The following SVOPL variants were observed in gnomAD, a reference collection of about 807,000 sequenced individuals.
SVOPL encodes SVOP like.
A neutral mutation model predicts 61.0 loss-of-function variants in SVOPL; 60 were observed. That is an observed-to-expected ratio of 0.98 (90% CI 0.80 to 1.22). The LOEUF (loss-of-function observed/expected upper bound fraction) is 1.22, where lower values mean the gene tolerates loss of function less well. Among genes scored for constraint, SVOPL ranks in the 50% most tolerant of loss-of-function variants. SVOPL has a pLI of 0.00. For synonymous variants in SVOPL, 279 were observed against 250.0 expected (o/e 1.12, Z -1.09); for missense variants, 662 against 643.9 (o/e 1.03, Z -0.30).
chr7:138,676,656 A>G (rs894268682), intron 3 of SVOPL, among the ~76,000 whole-genome samples: 4 of 152,350 alleles, frequency 2.6e-5, no homozygotes, highest in Middle Eastern at 3.4e-3. Flanking sequence ...ATCTGAAAAT[A>G]TGTAATTACA....
chr7:138,691,733 G>T (rs553360271), intron 1 of SVOPL, among the ~76,000 whole-genome samples: 1 of 151,982 alleles, frequency 6.6e-6, no homozygotes, highest in African/African-American at 2.4e-5. Flanking sequence ...TAGAGACGGG[G>T]TTTCGCCACG....
intron 8 of SVOPL, among the ~76,000 whole-genome samples, chr7:138,648,336 C>A (rs549084826): frequency 6.6e-6 from 1 of 151,838 alleles, no homozygotes; most frequent in South Asian, 2.1e-4. Context: ...GATGGCCTGG[C>A]GCGGTGGCTC....
At chr7:138,627,949 T>C (rs983328432) in intron 11 of SVOPL, among the ~76,000 whole-genome samples, 6 of 152,166 alleles carry the variant, frequency 3.9e-5, no homozygotes, top group African/African-American at 2.4e-5. Context: ...CACCTTACAA[T>C]TGATAGAATA....
chr7:138,631,289 G>A (rs528306066), intron 9 of SVOPL, among the ~76,000 whole-genome samples: 1 of 152,244 alleles, frequency 6.6e-6, no homozygotes, highest in South Asian at 2.1e-4. Context: ...AGCACATCAT[G>A]GAAAATGGGG....
chr7:138,653,456 G>A (rs916925868), intron 7 of SVOPL, among the ~76,000 whole-genome samples: 4 of 152,280 alleles, frequency 2.6e-5, no homozygotes, highest in African/African-American at 9.6e-5. Context: ...ACTTCAAGTT[G>A]AAGCCAATGA....
chr7:138,613,828 T>C (rs1223155131), intron 14 of SVOPL, among the ~76,000 whole-genome samples: 1 of 152,192 alleles, frequency 6.6e-6, no homozygotes, highest in East Asian at 1.9e-4. Flanking sequence ...AGGCCCTGAC[T>C]TACATCATTT....
chr7:138,674,789 C>G (rs750567193), intron 3 of SVOPL, among the ~76,000 whole-genome samples: 2 of 150,268 alleles, frequency 1.3e-5, no homozygotes, highest in Non-Finnish European at 3.0e-5. Flanking sequence ...CCAGGAGGCA[C>G]AGCTTGCAGT....
At chr7:138,631,589 G>C (rs62485322) in intron 9 of SVOPL, among the ~76,000 whole-genome samples, 4 of 151,766 alleles carry the variant, frequency 2.6e-5, no homozygotes, top group African/African-American at 9.7e-5. Context: ...TTTTTTTTGG[G>C]AAGGAGTCTC....
chr7:138,648,873 G>T, intron 8 of SVOPL, 139 bp downstream of exon 8: 1 of 1,305,166 alleles, frequency 7.7e-7, no homozygotes, highest in Non-Finnish European at 1.0e-6. Flanking sequence ...AGTGAGCCGA[G>T]ATTGCACCTC....
intron 9 of SVOPL, among the ~76,000 whole-genome samples, chr7:138,639,150 G>A (rs1800650853): frequency 6.6e-6 from 1 of 152,176 alleles, no homozygotes. Context: ...AGCTACTTGG[G>A]GGGCTGAGGC....
chr7:138,613,719 T>C (rs1799160602), intron 14 of SVOPL, among the ~76,000 whole-genome samples: 1 of 152,168 alleles, frequency 6.6e-6, no homozygotes, highest in Non-Finnish European at 1.5e-5. Context: ...ATTAATTGCA[T>C]ATTGATAAAG....
At chr7:138,651,001 C>A (rs1282134387) in intron 7 of SVOPL, among the ~76,000 whole-genome samples, 5 of 150,838 alleles carry the variant, frequency 3.3e-5, no homozygotes, top group African/African-American at 1.2e-4. Flanking sequence ...ACTGACCTGT[C>A]TTCTGGATTC....
At chr7:138,626,106 AG>A in intron 12 of SVOPL, 56 bp from the exon 13 acceptor site, 10 of 1,559,074 alleles carry the variant, frequency 6.4e-6, no homozygotes, top group African/African-American at 1.4e-5. Context: ...GACCACCTCC[AG>A]TGGCCCAGCT....
At chr7:138,685,624 G>A (rs1802791030) in intron 1 of SVOPL, among the ~76,000 whole-genome samples, 1 of 152,134 alleles carries the variant, frequency 6.6e-6, no homozygotes, top group Non-Finnish European at 1.5e-5. Flanking sequence ...TAATAGCTGG[G>A]TGTGGTGGCT....
At chr7:138,621,810 CTATGTATCTATGTATCTATG>C (rs1799578281) in intron 13 of SVOPL, among the ~76,000 whole-genome samples, 2 of 65,654 alleles carry the variant, frequency 3.0e-5, no homozygotes, top group Admixed American at 1.8e-4. Flanking sequence ...ATGTATCTAT[CTATGTATCTATGTATCTATG>C]TATCTATCTA....
intron 14 of SVOPL, among the ~76,000 whole-genome samples, chr7:138,616,872 G>A (rs1454030198): frequency 7.9e-5 from 12 of 152,114 alleles, no homozygotes; most frequent in Admixed American, 5.9e-4. Context: ...TCACAGCCTC[G>A]AACTCCCAGG....
intron 1 of SVOPL, among the ~76,000 whole-genome samples, chr7:138,699,184 G>A (rs569251286): frequency 2.0e-5 from 3 of 152,124 alleles, no homozygotes; most frequent in South Asian, 4.2e-4. Context: ...AGCGGGTGTA[G>A]TCCCAGCTAC....
At chr7:138,607,057 T>C (rs1798791912) in intron 14 of SVOPL, among the ~76,000 whole-genome samples, 1 of 150,058 alleles carries the variant, frequency 6.7e-6, no homozygotes, top group Non-Finnish European at 1.5e-5. Context: ...CTCAATACAA[T>C]AAGTGATATG....
At chr7:138,675,948 C>G (rs968231295) in intron 3 of SVOPL, among the ~76,000 whole-genome samples, 1 of 152,208 alleles carries the variant, frequency 6.6e-6, no homozygotes, top group African/African-American at 2.4e-5. Context: ...AAGTTATTCT[C>G]CTGCCTCAGC....
Sources: allele counts gnomAD v4.1 joint callset (sites outside exome capture counted in the v4.1 genomes callset), GRCh38; gene constraint gnomAD v4.1.1; transcripts MANE v1.5; gene names NCBI Gene and HGNC (gene_info 2026-07-23, HGNC 2026-07-21).